ADAMTSL1: variants seen among roughly 807,000 people sequenced by gnomAD.
ADAMTSL1 encodes the protein ADAMTS-like protein 1.
ADAMTSL1 carries 126 observed loss-of-function variants against 201.8 expected under a neutral mutation model. That is an observed-to-expected ratio of 0.62 (90% CI 0.54 to 0.72). The LOEUF (loss-of-function observed/expected upper bound fraction) is 0.72. ADAMTSL1 is among the 30% of genes least tolerant of loss of function. The probability of loss-of-function intolerance (pLI) is 0.00; values close to 1 mark genes in which losing one functional copy is unlikely to be tolerated. For synonymous variants in ADAMTSL1, 1,121 were observed against 903.4 expected, an observed-to-expected ratio of 1.24 and a Z score of -4.32; for missense variants, 2,679 against 2,277.8, an observed-to-expected ratio of 1.18 and a Z score of -3.59.
At chr9:18,325,363 G>A (rs746788472) in intron 2 of ADAMTSL1, among the ~76,000 whole-genome samples, 1 of 152,200 alleles carries the variant, frequency 6.6e-6, no homozygotes, top group Non-Finnish European at 1.5e-5. Context: ...AATAGAATGG[G>A]TAACACAGTT....
At chr9:18,417,098 G>T (rs573452229) in intron 2 of ADAMTSL1, among the ~76,000 whole-genome samples, 1 of 151,892 alleles carries the variant, frequency 6.6e-6, no homozygotes, top group South Asian at 2.1e-4. Context: ...AACTAAATTA[G>T]AAAAGAATAA....
At chr9:18,106,530 T>C (rs561325418) in intron 1 of ADAMTSL1, among the ~76,000 whole-genome samples, 3 of 152,330 alleles carry the variant, frequency 2.0e-5, no homozygotes, top group East Asian at 3.9e-4. Context: ...GGGCATACTA[T>C]TGTGAATCTT....
At chr9:18,315,587 T>G (rs1263645867) in intron 2 of ADAMTSL1, among the ~76,000 whole-genome samples, 2 of 152,078 alleles carry the variant, frequency 1.3e-5, no homozygotes, top group Non-Finnish European at 2.9e-5. Flanking sequence ...CTGGCCCAGG[T>G]GCTAAGTCCC....
At chr9:18,626,832 A>T (rs10963678) in intron 5 of ADAMTSL1, among the ~76,000 whole-genome samples, 19,001 of 126,054 alleles carry the variant, frequency 0.15, 1,420 homozygotes, top group Admixed American at 0.21. Flanking sequence ...TTTCTTTCTT[A>T]CTTTCTTTTT....
chr9:18,076,323 G>A (rs1397533221), intron 1 of ADAMTSL1, among the ~76,000 whole-genome samples: 1 of 152,186 alleles, frequency 6.6e-6, no homozygotes, highest in Non-Finnish European at 1.5e-5. Context: ...AGTTCCTTCT[G>A]TAGTCTAGGT....
rs757753193 is a variant in ADAMTSL1, at chr9:18,892,527, G to A, written c.4782G>A (p.Lys1594=). 3.1e-6 allele frequency: 5 copies of A among 1,590,904 alleles called. No individual in the cohort carries two copies. The highest frequency in any genetic ancestry group is 2.7e-5 in the African/African-American group (2 of 74,478). Reference sequence around the variant, plus strand: ...ATGACATGTGCACCCAGGTCGCCAAGCGGCCTGTGGACACCCAGGCCTGTA... The same window carrying A: ...ATGACATGTGCACCCAGGTCGCCAAACGGCCTGTGGACACCCAGGCCTGTA... ...VSNDMCTQVA[K]RPVDTQACNQ... Residue 1594 remains lysine, a synonymous_variant, in exon 26 of 29, where the codon AAG becomes AAA. Coordinates refer to ENST00000380548, the MANE Select transcript of ADAMTSL1 (RefSeq NM_001040272.6).
intron 7 of ADAMTSL1, among the ~76,000 whole-genome samples, chr9:18,655,790 G>T (rs1828602585): frequency 1.8e-5 from 2 of 111,284 alleles, no homozygotes; most frequent in South Asian, 2.9e-4. Flanking sequence ...AAGAGAGCTA[G>T]AGGCTTTTGT....
chr9:18,705,879 C>T (rs1832202557), intron 13 of ADAMTSL1, among the ~76,000 whole-genome samples: 1 of 152,208 alleles, frequency 6.6e-6, no homozygotes, highest in Non-Finnish European at 1.5e-5. Flanking sequence ...TAGCCAGCAA[C>T]TTGCAGGAGG....
chr9:17,998,863 A>G (rs1364553895), intron 1 of ADAMTSL1, among the ~76,000 whole-genome samples: 1 of 152,062 alleles, frequency 6.6e-6, no homozygotes, highest in Non-Finnish European at 1.5e-5. Flanking sequence ...GAGAGGAGAC[A>G]ACAGAAATCA....
At chr9:18,591,411 T>G (rs80026030) in intron 4 of ADAMTSL1, among the ~76,000 whole-genome samples, 1 of 152,334 alleles carries the variant, frequency 6.6e-6, no homozygotes, top group South Asian at 2.1e-4. Flanking sequence ...TGTGCCCTTA[T>G]AGGTGAAGTG....
intron 23 of ADAMTSL1, among the ~76,000 whole-genome samples, chr9:18,865,774 C>G (rs1827492644): frequency 6.6e-6 from 1 of 152,122 alleles, no homozygotes; most frequent in African/African-American, 2.4e-5. Flanking sequence ...TGCCAGAACT[C>G]TCATTAGAAA....
At chr9:18,395,678 C>A (rs1817725926) in intron 2 of ADAMTSL1, among the ~76,000 whole-genome samples, 1 of 152,170 alleles carries the variant, frequency 6.6e-6, no homozygotes, top group East Asian at 1.9e-4. Flanking sequence ...TCATCCTTCT[C>A]AACTGCAAGT....
intron 20 of ADAMTSL1, among the ~76,000 whole-genome samples, chr9:18,798,027 A>T (rs1822540274): frequency 6.6e-6 from 1 of 152,024 alleles, no homozygotes; most frequent in Non-Finnish European, 1.5e-5. Context: ...GAATCTCAGC[A>T]CTACTATGTT....
chr9:17,925,147 A>T (rs1826473322), intron 1 of ADAMTSL1, among the ~76,000 whole-genome samples: 1 of 104,052 alleles, frequency 9.6e-6, no homozygotes. Flanking sequence ...AATCAAAACC[A>T]CTATGAGATA....
intron 1 of ADAMTSL1, among the ~76,000 whole-genome samples, chr9:18,044,103 G>T (rs1341568404): frequency 6.6e-6 from 1 of 150,536 alleles, no homozygotes; most frequent in Non-Finnish European, 1.5e-5. Flanking sequence ...GTAGGCTATT[G>T]CAATAGGTAT....
intron 2 of ADAMTSL1, among the ~76,000 whole-genome samples, chr9:18,297,643 C>A (rs1001395059): frequency 6.6e-6 from 1 of 152,190 alleles, no homozygotes; most frequent in Non-Finnish European, 1.5e-5. Context: ...GCAGAGCCTG[C>A]CATCTGTCTT....
At chr9:18,798,212 T>C (rs1015597855) in intron 20 of ADAMTSL1, among the ~76,000 whole-genome samples, 6 of 152,120 alleles carry the variant, frequency 3.9e-5, no homozygotes, top group Non-Finnish European at 7.4e-5. Flanking sequence ...GGGAAATTTG[T>C]TCATAATGAT....
intron 2 of ADAMTSL1, among the ~76,000 whole-genome samples, chr9:18,511,159 T>C (rs1167431018): frequency 6.6e-6 from 1 of 152,154 alleles, no homozygotes; most frequent in East Asian, 1.9e-4. Context: ...TTAGGTGTGA[T>C]GTGAACCTTT....
intron 1 of ADAMTSL1, among the ~76,000 whole-genome samples, chr9:18,084,808 A>G (rs1449628508): frequency 6.6e-6 from 1 of 151,606 alleles, no homozygotes; most frequent in Non-Finnish European, 1.5e-5. Context: ...CCTTACAATC[A>G]TGCAACTTAA....
Sources: allele counts gnomAD v4.1 joint callset (sites outside exome capture counted in the v4.1 genomes callset), GRCh38; gene constraint gnomAD v4.1.1; transcripts MANE v1.5; gene names NCBI Gene and HGNC (gene_info 2026-07-23, HGNC 2026-07-21).